SPATA16: variants seen among roughly 807,000 people sequenced by gnomAD.
The protein encoded by SPATA16 is spermatogenesis associated 16.
Under a neutral mutation model 63.3 loss-of-function variants are expected in SPATA16, and 36 were observed. The observed-to-expected ratio is 0.57, with a 90% CI of 0.44 to 0.75. SPATA16 has a LOEUF of 0.75. Among genes scored for constraint, SPATA16 ranks in the 30% least tolerant of loss-of-function variants. The pLI is 0.00. For synonymous variants in SPATA16, 203 were observed against 216.7 expected, an observed-to-expected ratio of 0.94 and a Z score of 0.56; for missense variants, 646 against 679.3, an observed-to-expected ratio of 0.95 and a Z score of 0.54.
intron 6 of SPATA16, among the ~76,000 whole-genome samples, chr3:172,938,587 G>A (rs569176659): frequency 6.6e-6 from 1 of 152,306 alleles, no homozygotes; most frequent in South Asian, 2.1e-4. Context: ...CCTCTTTGGA[G>A]TCTGCGGGCC....
intron 4 of SPATA16, among the ~76,000 whole-genome samples, chr3:172,992,839 G>A (rs1291066989): frequency 2.0e-5 from 3 of 152,142 alleles, no homozygotes; most frequent in Non-Finnish European, 4.4e-5. Context: ...AGACAATGCT[G>A]TGCTCTGGGA....
chr3:173,083,253 ATACT>A (rs1424637171), intron 2 of SPATA16, among the ~76,000 whole-genome samples: 2 of 152,244 alleles, frequency 1.3e-5, no homozygotes, highest in East Asian at 1.9e-4. Flanking sequence ...ATTTGGCAAG[ATACT>A]TAGGAAGAAA....
In SPATA16 at chr3:172,924,211, C is replaced by G. The variant is rs898891723; in HGVS notation, c.1335G>C (p.Leu445Phe). Residue 445 changes from leucine to phenylalanine, a missense_variant, in exon 8 of 11, where the codon TTG becomes TTC. Coordinates refer to ENST00000351008, the MANE Select transcript of SPATA16 (RefSeq NM_031955.6). The stretch of plus-strand genomic sequence containing the variant: ...TATAAAAGACTCATATACCTACATT[C>G]AATTGGGTGCTTCTAATAAAATCCA... ...PILDFIRSTQ[L>F]NGSFPASSGV... is the part of the protein sequence containing the mutation. 1 of 1,609,282 alleles carries G rather than the reference C, an allele frequency of 6.2e-7. No individual in the cohort carries two copies. The highest frequency in any genetic ancestry group is 1.3e-5 in the African/African-American group (1 of 74,792).
chr3:172,894,002 G>T (rs998831600), intron 10 of SPATA16, among the ~76,000 whole-genome samples: 1 of 152,036 alleles, frequency 6.6e-6, no homozygotes, highest in Non-Finnish European at 1.5e-5. Context: ...GAGGAAATAG[G>T]AATAAAATTC....
intron 2 of SPATA16, among the ~76,000 whole-genome samples, chr3:173,060,498 A>G (rs1230603630): frequency 1.3e-5 from 2 of 152,220 alleles, no homozygotes; most frequent in Non-Finnish European, 1.5e-5. Context: ...ATAAGATCAA[A>G]TTGTAAATGT....
chr3:173,036,194 C>T (rs1039937040), intron 3 of SPATA16, among the ~76,000 whole-genome samples: 14 of 151,966 alleles, frequency 9.2e-5, no homozygotes. Flanking sequence ...TTATGATTAT[C>T]AGACTTGAAA....
At chr3:172,952,653 G>C (rs1286978360) in intron 6 of SPATA16, among the ~76,000 whole-genome samples, 1 of 152,114 alleles carries the variant, frequency 6.6e-6, no homozygotes, top group East Asian at 1.9e-4. Context: ...AAAAAGAAAA[G>C]AGTTTGGGCC....
intron 3 of SPATA16, among the ~76,000 whole-genome samples, chr3:173,032,929 C>T (rs1735638111): frequency 6.6e-6 from 1 of 152,060 alleles, no homozygotes; most frequent in Non-Finnish European, 1.5e-5. Flanking sequence ...TCCTCAAGAG[C>T]CTCCAGAGAA....
intron 2 of SPATA16, among the ~76,000 whole-genome samples, chr3:173,113,590 C>T (rs1196793191): frequency 6.6e-6 from 1 of 152,050 alleles, no homozygotes; most frequent in Non-Finnish European, 1.5e-5. Context: ...ATCATTTGAC[C>T]TTAATGATTA....
chr3:172,952,565 C>T (rs1018534684), intron 6 of SPATA16, among the ~76,000 whole-genome samples: 15 of 152,066 alleles, frequency 9.9e-5, no homozygotes, highest in African/African-American at 3.6e-4. Flanking sequence ...TCCGTTTTTC[C>T]TTGACCATTA....
intron 8 of SPATA16, among the ~76,000 whole-genome samples, chr3:172,917,885 A>C (rs1454213797): frequency 6.6e-6 from 1 of 152,198 alleles, no homozygotes; most frequent in Non-Finnish European, 1.5e-5. Context: ...ACTGACAGCA[A>C]CCTCTGGAAG....
chr3:173,074,884 G>C (rs1334723245), intron 2 of SPATA16, among the ~76,000 whole-genome samples: 1 of 151,096 alleles, frequency 6.6e-6, no homozygotes, highest in Non-Finnish European at 1.5e-5. Context: ...TGTAATCTCA[G>C]CTACCTGGGA....
intron 2 of SPATA16, among the ~76,000 whole-genome samples, chr3:173,088,678 T>A (rs928655835): frequency 6.6e-6 from 1 of 152,168 alleles, no homozygotes; most frequent in African/African-American, 2.4e-5. Flanking sequence ...AAACTTACCT[T>A]GTGAAAAATG....
At chr3:173,018,273 A>ATTT (rs72021279) in intron 4 of SPATA16, among the ~76,000 whole-genome samples, 4 of 137,690 alleles carry the variant, frequency 2.9e-5, no homozygotes, top group Non-Finnish European at 3.2e-5. Context: ...CACAATGTCA[A>ATTT]TTTTTTTTTT....
chr3:173,025,318 T>C (rs1560100099), intron 3 of SPATA16, among the ~76,000 whole-genome samples: 1 of 151,916 alleles, frequency 6.6e-6, no homozygotes, highest in Non-Finnish European at 1.5e-5. Flanking sequence ...GGGAAATCTT[T>C]TGAAAAGTAA....
At chr3:173,062,501 C>T (rs1304886469) in intron 2 of SPATA16, among the ~76,000 whole-genome samples, 1 of 152,142 alleles carries the variant, frequency 6.6e-6, no homozygotes, top group Non-Finnish European at 1.5e-5. Context: ...CATTGTATCC[C>T]ATTAAATATA....
intron 5 of SPATA16, among the ~76,000 whole-genome samples, chr3:172,959,827 T>C (rs1733709046): frequency 6.8e-6 from 1 of 146,970 alleles, no homozygotes; most frequent in Admixed American, 6.8e-5. Context: ...TATTTAGCAT[T>C]ATTGGTATTG....
chr3:173,071,689 A>G (rs975736616), intron 2 of SPATA16, among the ~76,000 whole-genome samples: 3 of 152,242 alleles, frequency 2.0e-5, no homozygotes, highest in Non-Finnish European at 2.9e-5. Flanking sequence ...CAAATGGCCA[A>G]CAGGTATAAG....
Position 173,117,490 on chromosome 3 carries a change from G to T in SPATA16, c.242C>A (p.Ala81Asp). 1.9e-6 allele frequency: 3 copies of T among 1,614,062 alleles called. No individual in the cohort carries two copies. Among genetic ancestry groups the T allele is most frequent in the Non-Finnish European group, 8.5e-7 (1 of 1,179,980 alleles). Reference sequence around the variant, plus strand: ...TTCACCTTCTGCCTTCCGTTTAAAGGCTGCTTTCTCTAAATCATTGCTTTG... The same window carrying T: ...TTCACCTTCTGCCTTCCGTTTAAAGTCTGCTTTCTCTAAATCATTGCTTTG... The part of the protein sequence containing the change: ...EKQSNDLEKA[A>D]FKRKAEGEEK... The change falls in exon 2 of 11, where the codon GCC becomes GAC. Residue 81 changes from alanine to aspartate, a missense_variant. By Grantham distance (126) the Ala-to-Asp change is moderately radical. Transcript: ENST00000351008.
Sources: gnomAD v4.1 joint callset for allele counts (sites outside exome capture counted in the v4.1 genomes callset) on GRCh38, gnomAD v4.1.1 for gene constraint, MANE v1.5 for transcripts, NCBI Gene and HGNC (gene_info 2026-07-23, HGNC 2026-07-21) for gene names.